The following LRRC49 variants were observed in gnomAD, a reference collection of about 807,000 sequenced individuals.
The protein encoded by LRRC49 is leucine-rich repeat-containing protein 49.
LRRC49 carries 50 observed loss-of-function variants against 83.3 expected under a neutral mutation model. That is an observed-to-expected ratio of 0.60 (90% CI 0.48 to 0.76). The LOEUF (loss-of-function observed/expected upper bound fraction) is 0.76, where lower values mean the gene tolerates loss of function less well. LRRC49 is among the 30% of genes least tolerant of loss of function. LRRC49 has a pLI of 0.00. For missense variants in LRRC49, 704 were observed against 809.1 expected (o/e 0.87, Z 1.58); for synonymous variants, 286 against 283.3 (o/e 1.01, Z -0.10).
chr15:70,932,726 C>CTTTTT (rs5813614), intron 7 of LRRC49, among the ~76,000 whole-genome samples: 73 of 97,166 alleles, frequency 7.5e-4, no homozygotes, highest in African/African-American at 9.5e-4. Flanking sequence ...CTTTCTCTGT[C>CTTTTT]TTTTTTTTTT....
intron 7 of LRRC49, among the ~76,000 whole-genome samples, chr15:70,931,928 A>G (rs1160859174): frequency 1.3e-5 from 2 of 152,172 alleles, no homozygotes; most frequent in Non-Finnish European, 2.9e-5. Flanking sequence ...TGTAAATTCC[A>G]GTGAGGGAAA....
At chr15:71,003,182 A>T (rs746865865) in intron 11 of LRRC49, among the ~76,000 whole-genome samples, 41 of 151,278 alleles carry the variant, frequency 2.7e-4, no homozygotes, top group Non-Finnish European at 5.3e-4. Context: ...TGATCCACCC[A>T]CCTCGGCCTC....
chr15:70,939,877 A>T, intron 8 of LRRC49, among the ~76,000 whole-genome samples: 1 of 145,292 alleles, frequency 6.9e-6, no homozygotes, highest in African/African-American at 2.6e-5. Flanking sequence ...TTAGGAAGGA[A>T]TGCTGTTTTA....
chr15:70,893,095 C>A, intron 1 of LRRC49, 153 bp downstream of exon 1: 1 of 809,034 alleles, frequency 1.2e-6, no homozygotes, highest in Non-Finnish European at 2.1e-6. Context: ...TGGGCTGGAC[C>A]AAGGCACAAT....
At chr15:70,980,706 A>G (rs1433218917) in intron 10 of LRRC49, among the ~76,000 whole-genome samples, 1 of 152,088 alleles carries the variant, frequency 6.6e-6, no homozygotes, top group Non-Finnish European at 1.5e-5. Flanking sequence ...TAATTTCCTT[A>G]AATAAAATAT....
intron 5 of LRRC49, among the ~76,000 whole-genome samples, chr15:70,910,556 C>CT (rs1362183267): frequency 6.6e-6 from 1 of 151,996 alleles, no homozygotes; most frequent in Non-Finnish European, 1.5e-5. Flanking sequence ...ATTTGTTGTT[C>CT]TTTTTTTGCC....
chr15:70,951,732 C>A (rs925604873), intron 8 of LRRC49, among the ~76,000 whole-genome samples: 1 of 151,994 alleles, frequency 6.6e-6, no homozygotes, highest in African/African-American at 2.4e-5. Flanking sequence ...TTCTGTCTCC[C>A]TAATTTAGAT....
At chr15:70,980,316 G>A (rs760171413) in intron 10 of LRRC49, 132 bp downstream of exon 10, 8 of 515,062 alleles carry the variant, frequency 1.6e-5, no homozygotes, top group Non-Finnish European at 2.4e-5. Flanking sequence ...CAGAATGTAC[G>A]TACCCCTAAA....
chr15:70,911,654 T>C, intron 6 of LRRC49, 56 bp downstream of exon 6: 1 of 1,087,910 alleles, frequency 9.2e-7, no homozygotes, highest in African/African-American at 1.6e-5. Flanking sequence ...AGGAAAATGG[T>C]ATAAAAGTTT....
At chr15:70,935,725 G>A (rs750531537) in intron 7 of LRRC49, among the ~76,000 whole-genome samples, 8 of 152,168 alleles carry the variant, frequency 5.3e-5, no homozygotes, top group East Asian at 3.9e-4. Flanking sequence ...CCTTAAAAAC[G>A]AAAAACATTT....
intron 2 of LRRC49, among the ~76,000 whole-genome samples, chr15:70,875,526 C>T (rs532347493): frequency 6.6e-6 from 1 of 152,274 alleles, no homozygotes; most frequent in African/African-American, 2.4e-5. Flanking sequence ...AGTAACCTGC[C>T]TAGTAATTGG....
chr15:70,980,591 A>T (rs1389023561), intron 10 of LRRC49, among the ~76,000 whole-genome samples: 2 of 151,088 alleles, frequency 1.3e-5, no homozygotes, highest in Non-Finnish European at 3.0e-5. Context: ...TTTTAATGAT[A>T]GCTTTTTAAA....
chr15:70,990,264 C>T (rs985295770), intron 11 of LRRC49, among the ~76,000 whole-genome samples: 2 of 152,178 alleles, frequency 1.3e-5, no homozygotes, highest in African/African-American at 2.4e-5. Context: ...AGGCAGGCCT[C>T]CTTGAGCTGT....
At chr15:70,907,003 A>G (rs1266474130) in intron 5 of LRRC49, among the ~76,000 whole-genome samples, 2 of 152,218 alleles carry the variant, frequency 1.3e-5, no homozygotes, top group Non-Finnish European at 2.9e-5. Context: ...TGTCAGTGAA[A>G]TGCAAGTCTG....
At chr15:70,858,749 TC>T in intron 1 of LRRC49, 2 of 1,149,138 alleles carry the variant, frequency 1.7e-6, no homozygotes, top group Non-Finnish European at 1.2e-6. Context: ...CTACAAGATG[TC>T]CACCTCTGGC....
intron 15 of LRRC49, among the ~76,000 whole-genome samples, chr15:71,037,565 A>G (rs1333570255): frequency 4.6e-5 from 7 of 152,114 alleles, no homozygotes; most frequent in Non-Finnish European, 1.0e-4. Context: ...CAGAAAAAAA[A>G]AATGCTCAAA....
intron 7 of LRRC49, among the ~76,000 whole-genome samples, chr15:70,930,675 G>C (rs2035373610): frequency 1.3e-5 from 2 of 152,114 alleles, no homozygotes; most frequent in South Asian, 4.1e-4. Context: ...TGTTGTTTAG[G>C]GTAGCTACCT....
At chr15:70,904,024 A>G (rs879242659) in intron 4 of LRRC49, among the ~76,000 whole-genome samples, 3 of 148,872 alleles carry the variant, frequency 2.0e-5, no homozygotes, top group Admixed American at 2.0e-4. Context: ...CTCAGGTTGA[A>G]TTTTTTTTTT....
At chr15:70,945,493 A>G (rs1433041548) in intron 8 of LRRC49, among the ~76,000 whole-genome samples, 1 of 149,270 alleles carries the variant, frequency 6.7e-6, no homozygotes, top group Non-Finnish European at 1.5e-5. Flanking sequence ...TTAAATCAAC[A>G]ATACATTCTT....
Sources: gnomAD v4.1 joint callset for allele counts (sites outside exome capture counted in the v4.1 genomes callset) on GRCh38, gnomAD v4.1.1 for gene constraint, MANE v1.5 for transcripts, NCBI Gene and HGNC (gene_info 2026-07-23, HGNC 2026-07-21) for gene names.